KIF26B: variants seen among roughly 807,000 people sequenced by gnomAD.
The protein encoded by KIF26B is kinesin family member 26B.
In KIF26B, 63 loss-of-function variants were observed where a neutral mutation model predicts 151.2. That is an observed-to-expected ratio of 0.42 (90% CI 0.34 to 0.51). The LOEUF (loss-of-function observed/expected upper bound fraction) is 0.51, where lower values mean the gene tolerates loss of function less well. KIF26B is among the 20% of genes least tolerant of loss of function. KIF26B has a pLI of 0.07. For synonymous variants in KIF26B, 1,357 were observed against 1,262.1 expected, an observed-to-expected ratio of 1.08 and a Z score of -1.59; for missense variants, 2,813 against 2,913.6, an observed-to-expected ratio of 0.97 and a Z score of 0.79.
At chr1:245,645,624 C>T (rs955784279) in intron 9 of KIF26B, among the ~76,000 whole-genome samples, 1 of 152,192 alleles carries the variant, frequency 6.6e-6, no homozygotes, top group African/African-American at 2.4e-5. Flanking sequence ...TGTCTCTGCA[C>T]CTGGTCGTTA....
chr1:245,400,323 T>G (rs1400535713), intron 3 of KIF26B, among the ~76,000 whole-genome samples: 1 of 152,220 alleles, frequency 6.6e-6, no homozygotes, highest in Admixed American at 6.5e-5. Context: ...TCACCTGATT[T>G]ACTTTACATT....
intron 2 of KIF26B, among the ~76,000 whole-genome samples, chr1:245,245,245 C>A (rs900147248): frequency 1.3e-5 from 2 of 152,174 alleles, no homozygotes; most frequent in Non-Finnish European, 2.9e-5. Flanking sequence ...CCTAATCTGC[C>A]TGTTTGTCTC....
intron 2 of KIF26B, among the ~76,000 whole-genome samples, chr1:245,174,488 C>CTTTG (rs1553330939): frequency 6.7e-6 from 1 of 148,768 alleles, no homozygotes; most frequent in Non-Finnish European, 1.5e-5. Context: ...TATTCAGCAA[C>CTTTG]TATGTATGTA....
At chr1:245,252,999 T>A (rs3008478) in intron 2 of KIF26B, among the ~76,000 whole-genome samples, 5,760 of 151,374 alleles carry the variant, frequency 0.038, 185 homozygotes, top group South Asian at 0.057. Flanking sequence ...AGGTGATAAT[T>A]TTTTTCTTAA....
chr1:245,521,893 T>G (rs1159641485), intron 4 of KIF26B, among the ~76,000 whole-genome samples: 1 of 148,484 alleles, frequency 6.7e-6, no homozygotes, highest in Non-Finnish European at 1.5e-5. Flanking sequence ...TGAGATGGAG[T>G]CTTGCTCTGT....
intron 2 of KIF26B, among the ~76,000 whole-genome samples, chr1:245,280,386 C>T (rs1671019307): frequency 7.0e-6 from 1 of 143,032 alleles, no homozygotes; most frequent in Admixed American, 7.1e-5. Context: ...AAAAAATTAG[C>T]AGGGCATAGT....
chr1:245,702,337 A>G lies in KIF26B; in HGVS notation c.6179-121A>G. ...GGGAACTCTGCAGTGGCCTAAGGCA[A>G]GCGAACTAGACCTTTAGACCAAGGG... On this transcript the variant is annotated intron_variant, in intron 14 of 14. Transcript: ENST00000407071. This position sits in a 1 kb window ranked among gnomAD's most constrained non-coding sequence, Gnocchi z 4.1. 9.4e-7 allele frequency: 1 copy of G among 1,068,416 alleles called. No homozygotes were observed. The highest frequency in any genetic ancestry group is 1.4e-6 in the Non-Finnish European group (1 of 726,400). The allele number at this position is 1,068,416 out of a possible 1,614,324, so 66.2% of individuals were successfully genotyped here. A position where few individuals can be genotyped will look rare whatever the true frequency, so the allele number is the denominator to read the frequency against.
chr1:245,628,841 T>G (rs1313464590), intron 9 of KIF26B, among the ~76,000 whole-genome samples: 1 of 152,174 alleles, frequency 6.6e-6, no homozygotes, highest in African/African-American at 2.4e-5. Flanking sequence ...TGATTCTATA[T>G]TTAGAAAACT....
intron 10 of KIF26B, among the ~76,000 whole-genome samples, chr1:245,682,259 GAA>G (rs925444389): frequency 6.6e-6 from 1 of 151,160 alleles, no homozygotes; most frequent in Non-Finnish European, 1.5e-5. Flanking sequence ...AAAAAAGAAA[GAA>G]AAAAAAAGTC....
intron 2 of KIF26B, among the ~76,000 whole-genome samples, chr1:245,337,569 A>G (rs538169551): frequency 1.3e-4 from 19 of 148,388 alleles, no homozygotes; most frequent in Middle Eastern, 3.5e-3. Context: ...CCCGTGTATG[A>G]GTATATGTGT....
intron 4 of KIF26B, among the ~76,000 whole-genome samples, chr1:245,523,136 G>C (rs1661164968): frequency 6.6e-6 from 1 of 152,196 alleles, no homozygotes; most frequent in African/African-American, 2.4e-5. Context: ...AGCTCTGAGT[G>C]TCAGAAAGAA....
intron 2 of KIF26B, among the ~76,000 whole-genome samples, chr1:245,246,065 C>A (rs1489595543): frequency 6.7e-6 from 1 of 150,046 alleles, no homozygotes; most frequent in Non-Finnish European, 1.5e-5. Flanking sequence ...GCACTCCAGC[C>A]TGGGCGACAG....
At chr1:245,165,062 C>T (rs1668593087) in intron 2 of KIF26B, among the ~76,000 whole-genome samples, 1 of 70,044 alleles carries the variant, frequency 1.4e-5, no homozygotes, top group Non-Finnish European at 3.4e-5. Context: ...CGGTGCGAGA[C>T]TCCATCTTTA....
intron 2 of KIF26B, among the ~76,000 whole-genome samples, chr1:245,207,429 G>A (rs114827814): frequency 2.6e-5 from 4 of 152,294 alleles, no homozygotes; most frequent in Non-Finnish European, 4.4e-5. Context: ...CAACTTTGGC[G>A]GGAAGAGCTG....
chr1:245,574,204 C>T (rs143584092), intron 5 of KIF26B, among the ~76,000 whole-genome samples: 39 of 152,176 alleles, frequency 2.6e-4, no homozygotes, highest in Admixed American at 6.5e-4. Flanking sequence ...GAGTGAGTGG[C>T]GTGATCTCGG....
intron 3 of KIF26B, among the ~76,000 whole-genome samples, chr1:245,417,079 G>A (rs749462831): frequency 6.7e-6 from 1 of 149,680 alleles, no homozygotes; most frequent in Non-Finnish European, 1.5e-5. Flanking sequence ...ACCTGCCCCC[G>A]CCCCATCATG....
At chr1:245,248,119 CT>C (rs139090362) in intron 2 of KIF26B, among the ~76,000 whole-genome samples, 11,856 of 147,614 alleles carry the variant, frequency 0.08, 604 homozygotes, top group Middle Eastern at 0.13. Flanking sequence ...AGATGCATTG[CT>C]TTTTTTTTTT....
At chr1:245,301,940 A>G (rs1414656149) in intron 2 of KIF26B, among the ~76,000 whole-genome samples, 1 of 152,126 alleles carries the variant, frequency 6.6e-6, no homozygotes, top group Non-Finnish European at 1.5e-5. Flanking sequence ...TCAACCCCCC[A>G]GTTGTTGTTC....
chr1:245,237,569 G>A (rs2103558371), intron 2 of KIF26B, among the ~76,000 whole-genome samples: 1 of 152,254 alleles, frequency 6.6e-6, no homozygotes, highest in Non-Finnish European at 1.5e-5. Context: ...GGGTCTATGA[G>A]CATCATGGCA....
Sources: allele counts gnomAD v4.1 joint callset (sites outside exome capture counted in the v4.1 genomes callset), GRCh38; gene constraint gnomAD v4.1.1; non-coding constraint Gnocchi (gnomAD v3.1); transcripts MANE v1.5; gene names NCBI Gene and HGNC (gene_info 2026-07-23, HGNC 2026-07-21).